PHEX: variants seen among roughly 807,000 people sequenced by gnomAD.
PHEX encodes the protein phosphate-regulating neutral endopeptidase PHEX.
Under a neutral mutation model 68.0 loss-of-function variants are expected in PHEX, and 16 were observed. The ratio of observed to expected loss-of-function variants is 0.24; its 90% CI spans 0.16 to 0.36. PHEX has a LOEUF of 0.36. Among genes scored for constraint, PHEX ranks in the 10% least tolerant of loss-of-function variants. The pLI is 1.00. For missense variants in PHEX, 480 were observed against 575.5 expected, an observed-to-expected ratio of 0.83 and a Z score of 1.70; for synonymous variants, 208 against 205.1, an observed-to-expected ratio of 1.01 and a Z score of -0.12.
intron 9 of PHEX, among the ~76,000 whole-genome samples, chrX:22,101,525 A>T (rs1277878465): frequency 8.9e-6 from 1 of 112,004 alleles, no homozygotes; most frequent in Non-Finnish European, 1.9e-5. Flanking sequence ...GAACAGTCTG[A>T]ACATGGGTGT....
At chrX:22,090,302 A>G (rs1929822021) in intron 5 of PHEX, 127 bp from the exon 6 acceptor site, 1 of 544,248 alleles carries the variant, frequency 1.8e-6, no homozygotes, top group African/African-American at 2.3e-5. Context: ...AGTGTACTGA[A>G]TTGTTTTTGT....
chrX:22,054,944 C>T (rs1466024952), intron 3 of PHEX, among the ~76,000 whole-genome samples: 6 of 108,410 alleles, frequency 5.5e-5, no homozygotes, highest in Non-Finnish European at 9.6e-5. Flanking sequence ...GAAGCCGAGG[C>T]GGTTGGGTCA....
intron 3 of PHEX, among the ~76,000 whole-genome samples, chrX:22,059,592 G>A (rs1928270269): frequency 8.9e-6 from 1 of 111,981 alleles, no homozygotes; most frequent in Admixed American, 9.5e-5. Flanking sequence ...ATGGTCCATA[G>A]GTTTCAACAG....
At chrX:22,058,538 G>A (rs1298584598) in intron 3 of PHEX, among the ~76,000 whole-genome samples, 1 of 112,013 alleles carries the variant, frequency 8.9e-6, no homozygotes, top group African/African-American at 3.2e-5. Context: ...GGTTCTGAAA[G>A]AGGCAAGGCT....
At chrX:22,189,558 G>A (rs1341369133) in intron 14 of PHEX, among the ~76,000 whole-genome samples, 1 of 110,969 alleles carries the variant, frequency 9.0e-6, no homozygotes. Flanking sequence ...CCAACATGCC[G>A]AAACCCTGTC....
At chrX:22,045,578 T>C (rs1038689575) in intron 2 of PHEX, among the ~76,000 whole-genome samples, 18 of 112,714 alleles carry the variant, frequency 1.6e-4, no homozygotes. Flanking sequence ...GGTTATCTTC[T>C]ATATGTAATT....
At chrX:22,063,558 G>T (rs998427889) in intron 3 of PHEX, among the ~76,000 whole-genome samples, 7 of 111,729 alleles carry the variant, frequency 6.3e-5, no homozygotes, top group Non-Finnish European at 1.1e-4. Flanking sequence ...ATTGTGTTTC[G>T]CCTGAGGTCT....
intron 15 of PHEX, among the ~76,000 whole-genome samples, chrX:22,192,640 G>A (rs912685518): frequency 6.3e-5 from 7 of 111,747 alleles, no homozygotes; most frequent in African/African-American, 1.9e-4. Context: ...TTTATACCTG[G>A]GGTTGGCTTT....
intron 20 of PHEX, among the ~76,000 whole-genome samples, chrX:22,241,795 A>G (rs756495015): frequency 9.0e-6 from 1 of 111,647 alleles, no homozygotes; most frequent in African/African-American, 3.3e-5. Flanking sequence ...CCTACTAACC[A>G]AAAAAAAGTT....
At chrX:22,093,658 C>A (rs1392482159) in intron 6 of PHEX, among the ~76,000 whole-genome samples, 1 of 111,900 alleles carries the variant, frequency 8.9e-6, no homozygotes, top group African/African-American at 3.2e-5. Context: ...GGAAGTCTGA[C>A]CTTTAACTTT....
chrX:22,113,931 TTTC>T (rs1001919912), intron 10 of PHEX, among the ~76,000 whole-genome samples: 8 of 104,337 alleles, frequency 7.7e-5, no homozygotes, highest in East Asian at 3.0e-4. Flanking sequence ...ATCACTTTCT[TTTC>T]TTCTTCTTCT....
At chrX:22,057,957 C>T (rs780382347) in intron 3 of PHEX, among the ~76,000 whole-genome samples, 2 of 111,849 alleles carry the variant, frequency 1.8e-5, no homozygotes, top group African/African-American at 6.5e-5. Context: ...TCCTCCTGTG[C>T]CCACAGTCCC....
At chrX:22,045,068 G>C (rs1043405794) in intron 2 of PHEX, among the ~76,000 whole-genome samples, 1 of 108,366 alleles carries the variant, frequency 9.2e-6, no homozygotes, top group Non-Finnish European at 1.9e-5. Flanking sequence ...GTTTGAAAAT[G>C]GTGGGGATTT....
At chrX:22,037,723 G>A (rs774679159) in intron 1 of PHEX, among the ~76,000 whole-genome samples, 30 of 110,856 alleles carry the variant, frequency 2.7e-4, no homozygotes, top group Non-Finnish European at 4.3e-4. Context: ...CCTGGTGGGC[G>A]GAGAGTTTGT....
At chrX:22,182,929 A>T (rs7885409) in intron 14 of PHEX, among the ~76,000 whole-genome samples, 1 of 111,892 alleles carries the variant, frequency 8.9e-6, no homozygotes, top group African/African-American at 3.3e-5. Context: ...AATTTTGTTT[A>T]ATTTATTGCT....
At chrX:22,200,622 AAAAAT>A (rs1353050456) in intron 15 of PHEX, among the ~76,000 whole-genome samples, 2 of 111,396 alleles carry the variant, frequency 1.8e-5, no homozygotes, top group East Asian at 2.8e-4. Flanking sequence ...AATAAAAATA[AAAAAT>A]AAAATAAAAA....
At chrX:22,158,117 A>G (rs747806634) in intron 12 of PHEX, among the ~76,000 whole-genome samples, 14 of 112,223 alleles carry the variant, frequency 1.2e-4, no homozygotes, top group African/African-American at 4.2e-4. Flanking sequence ...ATTTTCATCA[A>G]TACCATTAGC....
intron 5 of PHEX, among the ~76,000 whole-genome samples, chrX:22,080,681 G>A (rs1929350112): frequency 1.8e-5 from 2 of 110,592 alleles, no homozygotes; most frequent in East Asian, 2.8e-4. Context: ...CCCACTTATA[G>A]GTTTTGTGGA....
chrX:22,168,419 T>G (rs749681515), intron 13 of PHEX, 30 bp downstream of exon 13: 10 of 1,001,955 alleles, frequency 1.0e-5, no homozygotes, highest in Admixed American at 2.2e-5. Context: ...TACTTTTTTT[T>G]TTCTGGCAAG....
Sources: allele counts gnomAD v4.1 joint callset (sites outside exome capture counted in the v4.1 genomes callset), GRCh38; gene constraint gnomAD v4.1.1; transcripts MANE v1.5; gene names NCBI Gene and HGNC (gene_info 2026-07-23, HGNC 2026-07-21).